Variants in VSIG10 observed in about 807,000 individuals in gnomAD.
VSIG10 encodes the protein V-set and immunoglobulin domain-containing protein 10.
A neutral mutation model predicts 58.7 loss-of-function variants in VSIG10; 48 were observed. That is an observed-to-expected ratio of 0.82 (90% confidence interval 0.65 to 1.04). VSIG10 has a LOEUF of 1.04. Among genes scored for constraint, VSIG10 ranks in the 50% least tolerant of loss-of-function variants. The pLI is 0.00. For synonymous variants in VSIG10, 260 were observed against 267.1 expected (o/e 0.97, Z 0.26); for missense variants, 628 against 670.0 (o/e 0.94, Z 0.69).
chr12:118,078,971 T>A (rs1042311535), intron 4 of VSIG10, among the ~76,000 whole-genome samples: 7 of 123,230 alleles, frequency 5.7e-5, no homozygotes, highest in Non-Finnish European at 9.4e-5. Flanking sequence ...AAAAAAAATT[T>A]TCTTTATAAA....
chr12:118,066,971 C>T (rs1223879932), intron 8 of VSIG10, among the ~76,000 whole-genome samples: 1 of 152,140 alleles, frequency 6.6e-6, no homozygotes, highest in Non-Finnish European at 1.5e-5. Flanking sequence ...TATTCCAACT[C>T]AGCCGTCTTA....
At chr12:118,077,851 C>T (rs758807169) in intron 4 of VSIG10, among the ~76,000 whole-genome samples, 1 of 152,184 alleles carries the variant, frequency 6.6e-6, no homozygotes, top group Non-Finnish European at 1.5e-5. Context: ...AGCCCCGCAA[C>T]CTTCAATTCT....
intron 8 of VSIG10, among the ~76,000 whole-genome samples, chr12:118,068,176 C>T (rs1471505775): frequency 1.4e-5 from 2 of 148,120 alleles, no homozygotes; most frequent in Non-Finnish European, 3.0e-5. Flanking sequence ...TGCACACCAC[C>T]ATGACCGGCT....
intron 4 of VSIG10, among the ~76,000 whole-genome samples, 190 bp downstream of exon 4, chr12:118,079,156 G>A (rs2032847076): frequency 6.6e-6 from 1 of 152,008 alleles, no homozygotes; most frequent in Admixed American, 6.6e-5. Flanking sequence ...CTAGAATGAA[G>A]AAGCTTGAGC....
At chr12:118,098,362 C>T in intron 1 of VSIG10, among the ~76,000 whole-genome samples, 1 of 146,406 alleles carries the variant, frequency 6.8e-6, no homozygotes, top group Middle Eastern at 3.5e-3. Flanking sequence ...TCCGCCTCTC[C>T]CTCTCTCTCC....
intron 4 of VSIG10, among the ~76,000 whole-genome samples, chr12:118,075,116 G>A (rs922708383): frequency 2.0e-5 from 3 of 146,436 alleles, no homozygotes; most frequent in African/African-American, 5.0e-5. Context: ...ATGTGTATAT[G>A]TATATATATG....
chr12:118,068,536 C>T lies in VSIG10; in HGVS notation c.1408G>A (p.Glu470Lys). Residue 470 changes from glutamate to lysine, a missense_variant, in exon 8 of 9, where the codon GAG (glutamate) becomes AAG (lysine). Glu to Lys is a moderately conservative substitution (Grantham distance 56, BLOSUM62 1). Transcript: ENST00000359236. ...VDSEEEEEEE[E>K]EEEEDAAVGE... ...ACTGCAGCATCTTCCTCCTCCTCCTCCTCCTCCTCCTCTTCCTCTTCTGAA... is the reference window on the plus strand; with the variant it reads ...ACTGCAGCATCTTCCTCCTCCTCCTTCTCCTCCTCCTCTTCCTCTTCTGAA... 1 of 1,605,218 alleles carries T rather than the reference C, an allele frequency of 6.2e-7. No homozygotes were observed. The highest frequency in any genetic ancestry group is 1.3e-5 in the African/African-American group (1 of 74,860).
intron 4 of VSIG10, among the ~76,000 whole-genome samples, chr12:118,078,937 T>TAAAAAAAAAAAAAAAAAA (rs35469920): frequency 5.0e-5 from 2 of 39,908 alleles, no homozygotes; most frequent in African/African-American, 1.9e-4. Context: ...AGACTCTGCC[T>TAAAAAAAAAAAAAAAAAA]AAAAAAAAAA....
rs995930383 is a variant in VSIG10, at chr12:118,103,808, C to T, written c.-137G>A. ...CAGAGTGGCCCCACTTCCTCGGCCC[C>T]CAGGAAGGATGCTTGGCTGAGCCGA... On this transcript the variant is annotated 5_prime_UTR_variant, in exon 1 of 9. Transcript: ENST00000359236. The T allele has an allele frequency of 2.4e-6, 2 of 824,498 alleles. No individual in the cohort carries two copies. The allele number at this position is 824,498 out of a possible 1,614,324, so 51.1% of individuals were successfully genotyped here. A position where few individuals can be genotyped will look rare whatever the true frequency, so the allele number is the denominator to read the frequency against.
chr12:118,103,744 C>T lies in VSIG10; in HGVS notation c.-73G>A. 2 of 1,357,002 alleles carry T rather than the reference C, an allele frequency of 1.5e-6. No individual in the cohort carries two copies. Among genetic ancestry groups the T allele is most frequent in the South Asian group, 1.6e-5 (1 of 60,894 alleles). 84.1% of individuals were successfully genotyped at this position (1,357,002 alleles called of 1,614,324 possible). On this transcript the variant is annotated 5_prime_UTR_variant, in exon 1 of 9. Coordinates refer to ENST00000359236, the MANE Select transcript of VSIG10 (RefSeq NM_019086.6). ...ACGTGTGTGCCCCAGGGCCCCGGGG[C>T]CCGGGGTACCGAGGGCTCCTCCCAG...
chr12:118,093,193 G>A (rs917821605), intron 2 of VSIG10, among the ~76,000 whole-genome samples: 3 of 151,626 alleles, frequency 2.0e-5, no homozygotes, highest in African/African-American at 7.3e-5. Context: ...CAGCTACTTG[G>A]GAGGCTGAGG....
rs1341212721 is a variant in VSIG10 at position 118,063,614 on chromosome 12, C to A, written c.*3025G>T. 1 of 152,078 alleles carries A rather than the reference C, an allele frequency of 6.6e-6. No homozygotes were observed. The highest frequency in any genetic ancestry group is 1.5e-5 in the Non-Finnish European group (1 of 68,012). The allele number at this position is 152,078 out of a possible 1,614,324, so 9.4% of individuals were successfully genotyped here. A position where few individuals can be genotyped will look rare whatever the true frequency, so the allele number is the denominator to read the frequency against. Reference sequence around the variant, plus strand: ...GCACTTACTTAAAAATAGCTTTATTCCATTATCTTTTAAAAAAGGCATATG... The same window carrying A: ...GCACTTACTTAAAAATAGCTTTATTACATTATCTTTTAAAAAAGGCATATG... On this transcript the variant is annotated 3_prime_UTR_variant, in exon 9 of 9. Coordinates refer to ENST00000359236, the MANE Select transcript of VSIG10 (RefSeq NM_019086.6).
rs185696743 is a variant in VSIG10 at position 118,092,354 on chromosome 12, C to T, written c.361+3179G>A. On this transcript the variant is annotated intron_variant, in intron 2 of 8. Coordinates refer to ENST00000359236, the MANE Select transcript of VSIG10 (RefSeq NM_019086.6). ...TGCTAGGATTATGGGCATGAGCCAC[C>T]GTACCTGGCCTCCCATGGGTATGTC... 1.4e-3 allele frequency among the ~76,000 whole-genome samples: 217 copies of T among 152,072 alleles called. 1 individual carries two copies. Among genetic ancestry groups the T allele is most frequent in the African/African-American group, 4.9e-3 (205 of 41,480 alleles).
At chr12:118,082,062 T>C (rs1001828160) in intron 3 of VSIG10, 65 bp downstream of exon 3, 2 of 1,258,180 alleles carry the variant, frequency 1.6e-6, no homozygotes, top group Non-Finnish European at 2.2e-6. Flanking sequence ...GGCACAAACG[T>C]GCAGTTCATA....
At chr12:118,095,131 T>C (rs2033410124) in intron 2 of VSIG10, among the ~76,000 whole-genome samples, 1 of 152,072 alleles carries the variant, frequency 6.6e-6, no homozygotes, top group Non-Finnish European at 1.5e-5. Flanking sequence ...TCTCAATGTC[T>C]CGACCTTGTG....
intron 2 of VSIG10, among the ~76,000 whole-genome samples, chr12:118,082,943 T>C (rs899567825): frequency 2.0e-5 from 3 of 151,038 alleles, no homozygotes; most frequent in Admixed American, 2.0e-4. Flanking sequence ...CGAAACCCTG[T>C]CTCTACTAAA....
chr12:118,075,695 A>G (rs766043578), intron 4 of VSIG10, among the ~76,000 whole-genome samples: 16 of 152,180 alleles, frequency 1.1e-4, no homozygotes, highest in Non-Finnish European at 1.9e-4. Flanking sequence ...CTTACATCAT[A>G]ATAAGCCTAA....
intron 2 of VSIG10, among the ~76,000 whole-genome samples, chr12:118,088,258 A>AT (rs2033192337): frequency 6.6e-6 from 1 of 150,750 alleles, no homozygotes; most frequent in South Asian, 2.1e-4. Context: ...AAAAAAAAAA[A>AT]GGACCCAGAT....
At position 118,064,432 on chromosome 12, in the gene VSIG10, C is replaced by T. The variant is rs1289441812; in HGVS notation, c.*2207G>A. On this transcript the variant is annotated 3_prime_UTR_variant, in exon 9 of 9. Coordinates refer to ENST00000359236, the MANE Select transcript of VSIG10 (RefSeq NM_019086.6). ...TACAAAACATTCTCTGTGTTCCTAG[C>T]TAGGGTTTTTTTTTTTTTTCACCTC... is the stretch of plus-strand genomic sequence containing the variant. The T allele has an allele frequency of 1.0e-5, 1 of 99,796 alleles. No homozygotes were observed. The highest frequency in any genetic ancestry group is 1.9e-5 in the Non-Finnish European group (1 of 54,050). 6.2% of individuals were successfully genotyped at this position (99,796 alleles called of 1,614,324 possible). A position where few individuals can be genotyped will look rare whatever the true frequency, so the allele number is the denominator to read the frequency against.
Sources: allele counts gnomAD v4.1 joint callset (sites outside exome capture counted in the v4.1 genomes callset), GRCh38; gene constraint gnomAD v4.1.1; transcripts MANE v1.5; gene names NCBI Gene and HGNC (gene_info 2026-07-23, HGNC 2026-07-21).